The following CLUL1 variants were observed in gnomAD, a reference collection of about 807,000 sequenced individuals.
The protein encoded by CLUL1 is clusterin like 1.
Under a neutral mutation model 49.4 loss-of-function variants are expected in CLUL1, and 43 were observed. The ratio of observed to expected loss-of-function variants is 0.87; its 90% CI spans 0.68 to 1.12. The LOEUF is 1.12. Ranked by LOEUF, CLUL1 falls within the 50% of genes most tolerant of loss-of-function variation. The pLI, the probability that CLUL1 is intolerant of heterozygous loss-of-function variation, is 0.00. For missense variants in CLUL1, 486 were observed against 544.4 expected, an observed-to-expected ratio of 0.89 and a Z score of 1.07; for synonymous variants, 192 against 184.9, an observed-to-expected ratio of 1.04 and a Z score of -0.31.
intron 6 of CLUL1, among the ~76,000 whole-genome samples, chr18:630,672 C>CTTTTTTTTTTTTTTTTTTTT (rs36222515): frequency 1.6e-5 from 1 of 61,998 alleles, no homozygotes; most frequent in African/African-American, 7.2e-5. Context: ...CTACTGACAT[C>CTTTTTTTTTTTTTTTTTTTT]TTTTTTTTTT....
intron 9 of CLUL1, among the ~76,000 whole-genome samples, chr18:645,467 C>T (rs1055278529): frequency 3.3e-5 from 5 of 152,174 alleles, no homozygotes; most frequent in East Asian, 1.9e-4. Flanking sequence ...GAAAAGTTCT[C>T]CCTCCAAGAT....
intron 2 of CLUL1, chr18:613,252 C>T: frequency 2.3e-6 from 1 of 442,178 alleles, no homozygotes; most frequent in Non-Finnish European, 4.0e-6. Context: ...GATTCTCCTG[C>T]CTCAGCCTCT....
chr18:630,051 G>A (rs1183387809), intron 6 of CLUL1, among the ~76,000 whole-genome samples: 1 of 152,036 alleles, frequency 6.6e-6, no homozygotes, highest in Non-Finnish European at 1.5e-5. Flanking sequence ...TATGTTATGT[G>A]GCAAAGGGAA....
chr18:598,527 T>C, intron 1 of CLUL1: 1 of 398,570 alleles, frequency 2.5e-6, no homozygotes, highest in East Asian at 3.6e-5. Context: ...GACAATGAAT[T>C]CCATGGAGGC....
In CLUL1 at chr18:645,064, C is replaced by T; in HGVS notation, c.1364C>T (p.Ala455Val). ...TTCATTGGCTACGTAGTGGCAAAAG[C>T]TCTACAGCATTTTAAGGAACATTTT... ...SNFIGYVVAK[A>V]LQHFKEHFKT... The change falls in exon 9 of 10, where the codon GCT (alanine) becomes GTT (valine). Residue 455 changes from alanine (A) to valine (V), a missense_variant. Coordinates refer to ENST00000692774, the MANE Select transcript of CLUL1 (RefSeq NM_001393344.1). 1.9e-6 allele frequency: 3 copies of T among 1,609,176 alleles called. No homozygotes were observed. Among genetic ancestry groups the T allele is most frequent in the Admixed American group, 1.7e-5 (1 of 59,216 alleles).
chr18:621,687 AT>A (rs2073490624), intron 4 of CLUL1, among the ~76,000 whole-genome samples: 1 of 152,156 alleles, frequency 6.6e-6, no homozygotes. Context: ...CACTACTTTC[AT>A]TTTATAGCTA....
intron 7 of CLUL1, among the ~76,000 whole-genome samples, chr18:637,722 C>A (rs780574045): frequency 6.6e-6 from 1 of 152,110 alleles, no homozygotes; most frequent in Non-Finnish European, 1.5e-5. Flanking sequence ...TGGCTGTAAT[C>A]CCAGCACTCT....
At chr18:638,528 T>C (rs1303375428) in intron 7 of CLUL1, among the ~76,000 whole-genome samples, 1 of 152,164 alleles carries the variant, frequency 6.6e-6, no homozygotes, top group East Asian at 1.9e-4. Flanking sequence ...CTTAAAACTG[T>C]TATTATAAAT....
chr18:649,274 GTA>G, intron 9 of CLUL1, among the ~76,000 whole-genome samples: 1 of 152,280 alleles, frequency 6.6e-6, no homozygotes, highest in Admixed American at 6.5e-5. Context: ...CTAGCTGCAG[GTA>G]TACAGCTCAC....
intron 9 of CLUL1, among the ~76,000 whole-genome samples, chr18:646,497 G>GAC (rs56076402): frequency 0.22 from 30,677 of 141,026 alleles, 3,366 homozygotes; most frequent in Non-Finnish European, 0.26. Flanking sequence ...CAGATAGATA[G>GAC]ACACACACAC....
At chr18:636,624 C>CTTTTTTTT (rs68150473) in intron 7 of CLUL1, among the ~76,000 whole-genome samples, 8 of 122,046 alleles carry the variant, frequency 6.6e-5, no homozygotes, top group Middle Eastern at 4.5e-3. Flanking sequence ...CCCTTTCTCT[C>CTTTTTTTT]TTTTTTTTTT....
intron 7 of CLUL1, among the ~76,000 whole-genome samples, chr18:634,157 C>T (rs879479248): frequency 4.6e-5 from 7 of 152,080 alleles, no homozygotes; most frequent in African/African-American, 1.2e-4. Context: ...TTTTATGAGA[C>T]AGAGTCTTGC....
intron 4 of CLUL1, among the ~76,000 whole-genome samples, chr18:621,065 G>A (rs1015525707): frequency 5.3e-5 from 8 of 151,914 alleles, no homozygotes; most frequent in East Asian, 1.9e-4. Flanking sequence ...TAAGTGTAAC[G>A]TTCAGTAGTG....
chr18:601,209 T>G (rs1162890166), intron 1 of CLUL1, among the ~76,000 whole-genome samples: 1 of 152,236 alleles, frequency 6.6e-6, no homozygotes, highest in African/African-American at 2.4e-5. Context: ...CTTTGTATCT[T>G]GTGCTGATAG....
chr18:649,539 A>G (rs1347070385), intron 9 of CLUL1: 1 of 169,752 alleles, frequency 5.9e-6, no homozygotes, highest in Non-Finnish European at 1.2e-5. Flanking sequence ...CATCATCGTG[A>G]AAGGCAAATA....
intron 7 of CLUL1, among the ~76,000 whole-genome samples, chr18:637,688 C>T (rs2074190019): frequency 6.6e-6 from 1 of 152,146 alleles, no homozygotes; most frequent in African/African-American, 2.4e-5. Flanking sequence ...AGTGCTCTTT[C>T]TCCTGGCCAG....
chr18:614,334 G>GGGAAGGAA lies in CLUL1; in HGVS notation c.-13-3645_-13-3638dup, dbSNP rs55742414. Among the ~76,000 whole-genome samples the GGGAAGGAA allele has an allele frequency of 3.4e-4, 50 of 146,070 alleles. 1 individual carries two copies. The highest frequency in any genetic ancestry group is 9.0e-4 in the African/African-American group (35 of 39,048). On this transcript the variant is annotated intron_variant, in intron 2 of 9. Coordinates refer to ENST00000692774, the MANE Select transcript of CLUL1 (RefSeq NM_001393344.1). ...GGAAGGGAGGGAGGGAAGGAAGGGA[G>GGGAAGGAA]GGAAGGAAGGAAGGAAAGAAGGAAG...
intron 9 of CLUL1, among the ~76,000 whole-genome samples, chr18:646,471 C>T (rs919456327): frequency 2.7e-4 from 40 of 147,494 alleles, no homozygotes; most frequent in African/African-American, 9.8e-4. Flanking sequence ...GCTTCCTATC[C>T]AACAGGGGCA....
chr18:644,230 T>C (rs2144194410), intron 8 of CLUL1, among the ~76,000 whole-genome samples: 1 of 152,358 alleles, frequency 6.6e-6, no homozygotes, highest in South Asian at 2.1e-4. Flanking sequence ...TAAATCATTC[T>C]CTTAAGGTTA....
Sources: allele counts gnomAD v4.1 joint callset (sites outside exome capture counted in the v4.1 genomes callset), GRCh38; gene constraint gnomAD v4.1.1; transcripts MANE v1.5; gene names NCBI Gene and HGNC (gene_info 2026-07-23, HGNC 2026-07-21).